DLGAP2: variants seen among roughly 807,000 people sequenced by gnomAD.
DLGAP2 encodes DLG associated protein 2.
In DLGAP2, 26 loss-of-function variants were observed where a neutral mutation model predicts 100.3. The ratio of observed to expected loss-of-function variants is 0.26; its 90% CI spans 0.19 to 0.36. The LOEUF (loss-of-function observed/expected upper bound fraction) is 0.36. Among genes scored for constraint, DLGAP2 ranks in the 10% least tolerant of loss-of-function variants. The pLI, the probability that DLGAP2 is intolerant of heterozygous loss-of-function variation, is 1.00. For synonymous variants in DLGAP2, 886 were observed against 630.1 expected (o/e 1.41, Z -6.08); for missense variants, 1,858 against 1,453.2 (o/e 1.28, Z -4.53).
At chr8:855,644 G>T (rs560038996) in intron 1 of DLGAP2, among the ~76,000 whole-genome samples, 11 of 152,280 alleles carry the variant, frequency 7.2e-5, no homozygotes, top group African/African-American at 2.4e-4. Context: ...GTATTTGGTT[G>T]GGGAAAGAAT....
intron 3 of DLGAP2, among the ~76,000 whole-genome samples, chr8:1,414,968 C>G (rs1203949999): frequency 1.3e-5 from 2 of 151,986 alleles, no homozygotes; most frequent in African/African-American, 4.8e-5. Flanking sequence ...GAGGTCATGC[C>G]CCTGCACTCG....
At chr8:1,324,792 G>C (rs918165886) in intron 3 of DLGAP2, among the ~76,000 whole-genome samples, 4 of 152,182 alleles carry the variant, frequency 2.6e-5, no homozygotes, top group African/African-American at 9.7e-5. Context: ...TATCAGAGGA[G>C]CGGGAGTCAC....
chr8:892,055 C>G (rs1198771821), intron 1 of DLGAP2, among the ~76,000 whole-genome samples: 1 of 152,162 alleles, frequency 6.6e-6, no homozygotes, highest in Non-Finnish European at 1.5e-5. Context: ...CAGATAATAG[C>G]AAGTGTTGGG....
intron 1 of DLGAP2, among the ~76,000 whole-genome samples, chr8:781,834 T>C (rs571474586): frequency 6.6e-6 from 1 of 152,310 alleles, no homozygotes; most frequent in South Asian, 2.1e-4. Context: ...TTATATAACC[T>C]AATGTTTGTG....
rs1305669362 is a variant in DLGAP2 at position 1,702,506 on chromosome 8, T to C, written c.*1100T>C. 1 of 152,662 alleles carries C rather than the reference T, an allele frequency of 6.6e-6. No homozygotes were observed. The highest frequency in any genetic ancestry group is 2.4e-5 in the African/African-American group (1 of 41,472). The allele number at this position is 152,662 out of a possible 1,614,324, so 9.5% of individuals were successfully genotyped here. Reference sequence around the variant, plus strand: ...GAAATGTAGTTTACATTTGTATTTTTCCAGAATTCTTTTGTCCTATGCAGT... The same window carrying C: ...GAAATGTAGTTTACATTTGTATTTTCCCAGAATTCTTTTGTCCTATGCAGT... On this transcript the variant is annotated 3_prime_UTR_variant, in exon 15 of 15. Coordinates refer to ENST00000637795, the MANE Select transcript of DLGAP2 (RefSeq NM_001346810.2).
At chr8:828,731 G>A (rs1232778053) in intron 1 of DLGAP2, among the ~76,000 whole-genome samples, 2 of 152,164 alleles carry the variant, frequency 1.3e-5, no homozygotes, top group African/African-American at 4.8e-5. Flanking sequence ...TACAATTTAT[G>A]TTTAGAGACT....
intron 2 of DLGAP2, among the ~76,000 whole-genome samples, chr8:938,324 G>T (rs529148409): frequency 6.6e-6 from 1 of 152,098 alleles, no homozygotes; most frequent in Non-Finnish European, 1.5e-5. Flanking sequence ...CCGTCTCTGG[G>T]TAGCTAGGAC....
At chr8:931,847 A>G (rs1375498005) in intron 2 of DLGAP2, among the ~76,000 whole-genome samples, 1 of 152,088 alleles carries the variant, frequency 6.6e-6, no homozygotes, top group Non-Finnish European at 1.5e-5. Context: ...GAAACAACAT[A>G]ATGTATGTAA....
chr8:1,231,881 C>A (rs1563267691), intron 2 of DLGAP2, among the ~76,000 whole-genome samples: 1 of 152,130 alleles, frequency 6.6e-6, no homozygotes, highest in Non-Finnish European at 1.5e-5. Flanking sequence ...CAAGTTCAGT[C>A]ATACCCCCAA....
chr8:1,534,809 CGTGATGTGTGTGCGT>C (rs1563206037), intron 4 of DLGAP2, among the ~76,000 whole-genome samples: 1 of 152,052 alleles, frequency 6.6e-6, no homozygotes, highest in African/African-American at 2.4e-5. Flanking sequence ...TGTGTGTGCG[CGTGATGTGTGTGCGT>C]GTGCGCACGT....
chr8:1,435,616 T>C (rs1428350859), intron 3 of DLGAP2, among the ~76,000 whole-genome samples: 1 of 151,894 alleles, frequency 6.6e-6, no homozygotes, highest in African/African-American at 2.4e-5. Flanking sequence ...TACGTTTCAT[T>C]ATTATTTTAG....
At chr8:849,274 C>T (rs1003207192) in intron 1 of DLGAP2, among the ~76,000 whole-genome samples, 1 of 152,156 alleles carries the variant, frequency 6.6e-6, no homozygotes, top group African/African-American at 2.4e-5. Context: ...TAGGATCACA[C>T]AGAGTCTGTT....
rs144515139 is a variant in DLGAP2, at chr8:1,628,592, C to G, written c.1590+1705C>G. 3.3e-3 allele frequency among the ~76,000 whole-genome samples: 496 copies of G among 150,086 alleles called. 3 individuals are homozygous for G. Among genetic ancestry groups the G allele is most frequent in the African/African-American group, 0.012 (473 of 40,414 alleles). ...AGAGCTTGAGCCGACCTCACATTCT[C>G]TCTGACTTACTGTGGAGCAGGAATT... On this transcript the variant is annotated intron_variant, in intron 7 of 14. Coordinates refer to ENST00000637795, the MANE Select transcript of DLGAP2 (RefSeq NM_001346810.2).
intron 3 of DLGAP2, among the ~76,000 whole-genome samples, chr8:1,313,449 TC>T (rs1402144362): frequency 6.6e-6 from 1 of 152,016 alleles, no homozygotes; most frequent in Admixed American, 6.6e-5. Flanking sequence ...ACCTATAATC[TC>T]CCCTATACTC....
intron 2 of DLGAP2, among the ~76,000 whole-genome samples, chr8:1,256,366 G>A (rs1480230407): frequency 2.2e-5 from 3 of 138,820 alleles, no homozygotes; most frequent in Admixed American, 7.2e-5. Flanking sequence ...CGGGTGCTGT[G>A]TGTGTGTCCT....
intron 2 of DLGAP2, among the ~76,000 whole-genome samples, chr8:1,193,188 G>A (rs141455844): frequency 4.6e-5 from 7 of 152,222 alleles, no homozygotes; most frequent in African/African-American, 9.6e-5. Flanking sequence ...GTATATAACC[G>A]GTAATGGGAT....
intron 2 of DLGAP2, among the ~76,000 whole-genome samples, chr8:1,136,315 C>G (rs1377568543): frequency 6.6e-6 from 1 of 152,292 alleles, no homozygotes; most frequent in East Asian, 1.9e-4. Context: ...AAAAACTCCC[C>G]TCCCATCAGC....
chr8:1,666,357 C>G (rs1798543932), intron 8 of DLGAP2, among the ~76,000 whole-genome samples: 1 of 152,146 alleles, frequency 6.6e-6, no homozygotes, highest in South Asian at 2.1e-4. Context: ...GATTCTCTTT[C>G]CAATGCATGC....
intron 3 of DLGAP2, among the ~76,000 whole-genome samples, chr8:1,480,103 C>T (rs542042223): frequency 6.6e-6 from 1 of 152,348 alleles, no homozygotes; most frequent in South Asian, 2.1e-4. Flanking sequence ...ACGCCCCGCG[C>T]AGTGCAGAGC....
Sources: gnomAD v4.1 joint callset for allele counts (sites outside exome capture counted in the v4.1 genomes callset) on GRCh38, gnomAD v4.1.1 for gene constraint, MANE v1.5 for transcripts, NCBI Gene and HGNC (gene_info 2026-07-23, HGNC 2026-07-21) for gene names.